The following DNAJC24 variants were observed in gnomAD, a reference collection of about 807,000 sequenced individuals.
DNAJC24 encodes the protein dnaJ homolog subfamily C member 24.
Under a neutral mutation model 18.0 loss-of-function variants are expected in DNAJC24, and 17 were observed. The ratio of observed to expected loss-of-function variants is 0.94; its 90% confidence interval spans 0.65 to 1.42. The LOEUF is 1.42. Ranked by LOEUF, DNAJC24 falls within the 40% of genes most tolerant of loss-of-function variation. The pLI is 0.00. For missense variants in DNAJC24, 158 were observed against 175.6 expected (o/e 0.90, Z 0.57); for synonymous variants, 55 against 57.7 (o/e 0.95, Z 0.21).
intron 2 of DNAJC24, among the ~76,000 whole-genome samples, chr11:31,389,804 C>G (rs553821739): frequency 2.0e-5 from 3 of 152,158 alleles, no homozygotes; most frequent in Non-Finnish European, 4.4e-5. Context: ...TAAATAATAT[C>G]AAGCATATTC....
rs1952913883 is a variant in DNAJC24 at position 31,430,680 on chromosome 11, CAAAAT to C, written c.*282_*286del. 1 of 167,762 alleles carries C rather than the reference CAAAAT, an allele frequency of 6.0e-6. No individual in the cohort carries two copies. The highest frequency in any genetic ancestry group is 1.3e-5 in the Non-Finnish European group (1 of 78,632). The allele number at this position is 167,762 out of a possible 1,614,324, so 10.4% of individuals were successfully genotyped here. A position where few individuals can be genotyped will look rare whatever the true frequency, so the allele number is the denominator to read the frequency against. ...TATTATGTCATTTTTTTCCATGACACAAAATAAGAATTTTCTTAATATGAGCATGT... is the reference window on the plus strand; with the variant it reads ...TATTATGTCATTTTTTTCCATGACACAAGAATTTTCTTAATATGAGCATGT... On this transcript the variant is annotated 3_prime_UTR_variant, in exon 5 of 5. Coordinates refer to ENST00000465995, the MANE Select transcript of DNAJC24 (RefSeq NM_181706.5).
intron 3 of DNAJC24, among the ~76,000 whole-genome samples, chr11:31,425,851 A>C (rs1952855805): frequency 6.6e-6 from 1 of 152,242 alleles, no homozygotes; most frequent in Non-Finnish European, 1.5e-5. Flanking sequence ...ACCTAATGTT[A>C]GAAAGTTAGT....
intron 2 of DNAJC24, among the ~76,000 whole-genome samples, chr11:31,403,903 G>A (rs1321253583): frequency 6.6e-6 from 1 of 152,220 alleles, no homozygotes; most frequent in Admixed American, 6.5e-5. Flanking sequence ...GATTAAAAGA[G>A]TGGCTACTCC....
intron 2 of DNAJC24, among the ~76,000 whole-genome samples, chr11:31,376,219 C>T (rs1952313799): frequency 6.6e-6 from 1 of 152,182 alleles, no homozygotes; most frequent in African/African-American, 2.4e-5. Context: ...TGCGAGGCCT[C>T]CCCAGCCGTG....
chr11:31,372,289 G>T lies in DNAJC24; in HGVS notation c.111+1430G>T, dbSNP rs1025598655. On this transcript the variant is annotated intron_variant, in intron 2 of 4. Coordinates refer to ENST00000465995, the MANE Select transcript of DNAJC24 (RefSeq NM_181706.5). Reference sequence around the variant, plus strand: ...AGAGTAAAGAACCATTATTTATATAGAATTTGTTGTCTCTTTAGTTTATAC... The same window carrying T: ...AGAGTAAAGAACCATTATTTATATATAATTTGTTGTCTCTTTAGTTTATAC... Among the ~76,000 whole-genome samples the T allele has an allele frequency of 4.8e-5, 4 of 84,100 alleles. 1 individual carries two copies. The highest frequency in any genetic ancestry group is 1.4e-4 in the Non-Finnish European group (4 of 28,742). The allele number at this position is 84,100 out of a possible 152,430, so 55.2% of individuals were successfully genotyped here. A position where few individuals can be genotyped will look rare whatever the true frequency, so the allele number is the denominator to read the frequency against.
intron 2 of DNAJC24, among the ~76,000 whole-genome samples, chr11:31,409,320 A>G (rs971909956): frequency 6.6e-6 from 1 of 152,210 alleles, no homozygotes; most frequent in Non-Finnish European, 1.5e-5. Flanking sequence ...GGTGAGTTTG[A>G]TATCATGTAA....
chr11:31,398,998 A>T (rs1952571946), intron 2 of DNAJC24, among the ~76,000 whole-genome samples: 1 of 152,212 alleles, frequency 6.6e-6, no homozygotes, highest in Non-Finnish European at 1.5e-5. Context: ...AATTGGAGGT[A>T]AAGGGTTGAT....
Position 31,370,815 on chromosome 11 carries a change from A to G in DNAJC24, c.67A>G (p.Asn23Asp), listed in dbSNP as rs111299050. The change falls in exon 2 of 5, where the codon AAT becomes GAT. Residue 23 changes from asparagine (N) to aspartate (D), a missense_variant. By Grantham distance (23) the Asn-to-Asp change is conservative. Transcript: ENST00000465995. ...YSILGADPSA[N>D]ISDLKQKYQK... is the part of the protein sequence containing the mutation. The stretch of plus-strand genomic sequence containing the variant: ...CATCCTGGGAGCAGACCCATCTGCA[A>G]ATATATCAGACCTAAAACAAAAATA... 638 of 1,612,860 alleles carry G rather than the reference A, an allele frequency of 4.0e-4. 4 individuals carry two copies. In the African/African-American group the frequency reaches 7.6e-3, roughly 19 times the overall value.
At chr11:31,419,821 A>AT (rs948456638) in intron 3 of DNAJC24, among the ~76,000 whole-genome samples, 1 of 151,964 alleles carries the variant, frequency 6.6e-6, no homozygotes, top group Non-Finnish European at 1.5e-5. Context: ...ACAGTCAATG[A>AT]ATCAGAAATG....
chr11:31,396,974 C>T (rs1019074986), intron 2 of DNAJC24, among the ~76,000 whole-genome samples: 2 of 152,148 alleles, frequency 1.3e-5, no homozygotes, highest in Non-Finnish European at 2.9e-5. Flanking sequence ...CCTTTCCTTC[C>T]CAATCCTACA....
At chr11:31,418,147 A>G (rs979917513) in intron 3 of DNAJC24, among the ~76,000 whole-genome samples, 4 of 152,128 alleles carry the variant, frequency 2.6e-5, no homozygotes, top group African/African-American at 4.8e-5. Context: ...TAGTTGGCAT[A>G]TTAAACTTAT....
chr11:31,392,588 T>C (rs781199087), intron 2 of DNAJC24, among the ~76,000 whole-genome samples: 11 of 152,150 alleles, frequency 7.2e-5, no homozygotes, highest in Non-Finnish European at 1.6e-4. Flanking sequence ...AAGACCAGGA[T>C]TAAATTTAGA....
intron 3 of DNAJC24, among the ~76,000 whole-genome samples, chr11:31,425,836 A>C (rs1411532207): frequency 1.3e-5 from 2 of 152,202 alleles, no homozygotes; most frequent in African/African-American, 4.8e-5. Flanking sequence ...TGAACAAACC[A>C]ATACACCTAA....
chr11:31,376,080 G>T (rs1952311421), intron 2 of DNAJC24, among the ~76,000 whole-genome samples: 1 of 148,242 alleles, frequency 6.7e-6, no homozygotes, highest in Admixed American at 6.8e-5. Context: ...CCCCCATATT[G>T]TTCTCCTCAT....
chr11:31,427,217 CCAAA>C (rs1952871137), intron 4 of DNAJC24: 1 of 152,116 alleles, frequency 6.6e-6, no homozygotes, highest in Non-Finnish European at 1.5e-5. Flanking sequence ...CCATCTGAAA[CCAAA>C]TTTACTTTTT....
At chr11:31,389,342 A>AC (rs1952464313) in intron 2 of DNAJC24, among the ~76,000 whole-genome samples, 1 of 152,080 alleles carries the variant, frequency 6.6e-6, no homozygotes, top group African/African-American at 2.4e-5. Context: ...AAACAAACAA[A>AC]AAAAGAGTAA....
chr11:31,387,351 C>A (rs1217922693), intron 2 of DNAJC24, among the ~76,000 whole-genome samples: 1 of 152,110 alleles, frequency 6.6e-6, no homozygotes, highest in Non-Finnish European at 1.5e-5. Flanking sequence ...GTGGTGATGG[C>A]CACAGAGGTG....
At chr11:31,382,126 G>C (rs928031989) in intron 2 of DNAJC24, among the ~76,000 whole-genome samples, 1 of 152,058 alleles carries the variant, frequency 6.6e-6, no homozygotes, top group Admixed American at 6.6e-5. Flanking sequence ...TTTATTTTAA[G>C]TACTGGTATC....
At chr11:31,383,118 C>G (rs56171731) in intron 2 of DNAJC24, among the ~76,000 whole-genome samples, 1 of 152,000 alleles carries the variant, frequency 6.6e-6, no homozygotes, top group Non-Finnish European at 1.5e-5. Flanking sequence ...ACAGTGTGTT[C>G]TTTGTTAACC....
Sources: allele counts gnomAD v4.1 joint callset (sites outside exome capture counted in the v4.1 genomes callset), GRCh38; gene constraint gnomAD v4.1.1; transcripts MANE v1.5; gene names NCBI Gene and HGNC (gene_info 2026-07-23, HGNC 2026-07-21).